DCC: variants seen among roughly 807,000 people sequenced by gnomAD.
The protein encoded by DCC is netrin receptor DCC.
Under a neutral mutation model 172.5 loss-of-function variants are expected in DCC, and 58 were observed. The ratio of observed to expected loss-of-function variants is 0.34; its 90% CI spans 0.27 to 0.42. DCC has a LOEUF of 0.42. Ranked by LOEUF, DCC falls within the 10% of genes least tolerant of loss-of-function variation. The probability of loss-of-function intolerance (pLI) is 1.00; values close to 1 mark genes in which losing one functional copy is unlikely to be tolerated. For synonymous variants in DCC, 709 were observed against 644.5 expected (o/e 1.10, Z -1.52); for missense variants, 1,740 against 1,791.0 (o/e 0.97, Z 0.51).
At chr18:52,586,331 T>C (rs2033672766) in intron 1 of DCC, among the ~76,000 whole-genome samples, 1 of 152,186 alleles carries the variant, frequency 6.6e-6, no homozygotes, top group South Asian at 2.1e-4. Flanking sequence ...AGGATGACAA[T>C]AGGCTTAAAT....
In DCC at chr18:53,531,966, C is replaced by T. The variant is rs1302850402; in HGVS notation, c.*1313C>T. 6.6e-6 allele frequency: 1 copy of T among 152,214 alleles called. No homozygotes were observed. Among genetic ancestry groups the T allele is most frequent in the Non-Finnish European group, 1.5e-5 (1 of 68,048 alleles). The allele number at this position is 152,214 out of a possible 1,614,324, so 9.4% of individuals were successfully genotyped here. On this transcript the variant is annotated 3_prime_UTR_variant, in exon 29 of 29. Coordinates refer to ENST00000442544, the MANE Select transcript of DCC (RefSeq NM_005215.4). ...CTTCTATTGCCATGTTTATCTACAGCTTGGAACTAGCTAAAATTAAGAACA... is the reference window on the plus strand; with the variant it reads ...CTTCTATTGCCATGTTTATCTACAGTTTGGAACTAGCTAAAATTAAGAACA...
At chr18:52,462,526 C>T (rs1988663351) in intron 1 of DCC, among the ~76,000 whole-genome samples, 1 of 152,230 alleles carries the variant, frequency 6.6e-6, no homozygotes, top group South Asian at 2.1e-4. Flanking sequence ...CCTCACAGTG[C>T]AATATGCAAC....
intron 1 of DCC, among the ~76,000 whole-genome samples, chr18:52,517,691 C>T (rs911364024): frequency 2.6e-5 from 4 of 152,150 alleles, no homozygotes; most frequent in African/African-American, 4.8e-5. Context: ...CTGGCATAAA[C>T]GGTCCCCAGA....
chr18:53,037,959 C>T (rs545412091), intron 5 of DCC, among the ~76,000 whole-genome samples: 3 of 151,742 alleles, frequency 2.0e-5, no homozygotes, highest in South Asian at 2.1e-4. Flanking sequence ...AATGAAAAAA[C>T]GTAAGAACAT....
intron 23 of DCC, among the ~76,000 whole-genome samples, chr18:53,457,468 G>T (rs952482802): frequency 6.6e-6 from 1 of 152,148 alleles, no homozygotes; most frequent in African/African-American, 2.4e-5. Flanking sequence ...TCCTGAATTT[G>T]GGAACTGGTA....
chr18:53,228,659 A>T (rs1343162220), intron 12 of DCC, among the ~76,000 whole-genome samples: 1 of 152,100 alleles, frequency 6.6e-6, no homozygotes, highest in East Asian at 1.9e-4. Flanking sequence ...GCATTTTCTG[A>T]CTATACTTAA....
intron 1 of DCC, among the ~76,000 whole-genome samples, chr18:52,408,477 A>G (rs1407577820): frequency 6.6e-6 from 1 of 152,054 alleles, no homozygotes. Flanking sequence ...ATAAGTTTTT[A>G]TCAGCCCCTG....
chr18:52,626,543 C>T (rs765004342), intron 1 of DCC, among the ~76,000 whole-genome samples: 4 of 151,982 alleles, frequency 2.6e-5, no homozygotes, highest in African/African-American at 7.3e-5. Flanking sequence ...TTTCTTAAAA[C>T]TTTTCAGTCT....
At chr18:52,991,646 T>G (rs1167985977) in intron 5 of DCC, among the ~76,000 whole-genome samples, 1 of 152,168 alleles carries the variant, frequency 6.6e-6, no homozygotes, top group African/African-American at 2.4e-5. Context: ...ATTCCCTCAT[T>G]TACCCTCTCG....
At chr18:52,740,005 G>A (rs754726636) in intron 1 of DCC, among the ~76,000 whole-genome samples, 6 of 152,056 alleles carry the variant, frequency 3.9e-5, no homozygotes, top group East Asian at 1.9e-4. Context: ...AACAACCAAC[G>A]CCTGCATGCA....
At chr18:52,634,221 A>C (rs1429381593) in intron 1 of DCC, among the ~76,000 whole-genome samples, 1 of 152,230 alleles carries the variant, frequency 6.6e-6, no homozygotes, top group Non-Finnish European at 1.5e-5. Context: ...CCCTGGGTCT[A>C]TCAGCAGTAA....
intron 2 of DCC, among the ~76,000 whole-genome samples, chr18:52,857,828 C>T (rs1010893001): frequency 1.3e-5 from 2 of 152,200 alleles, no homozygotes; most frequent in African/African-American, 4.8e-5. Flanking sequence ...AAAAGGATTA[C>T]AGCTCTAATG....
At chr18:53,241,960 T>G (rs2056301243) in intron 12 of DCC, among the ~76,000 whole-genome samples, 1 of 152,184 alleles carries the variant, frequency 6.6e-6, no homozygotes. Context: ...TGTCCCTGTT[T>G]GCAGATGACA....
intron 1 of DCC, among the ~76,000 whole-genome samples, chr18:52,604,097 C>G (rs1221873): frequency 0.25 from 38,162 of 151,826 alleles, 4,969 homozygotes; most frequent in African/African-American, 0.31. Context: ...GCTTGACAAT[C>G]CTTCTCACCC....
chr18:52,517,628 A>C (rs1460628840), intron 1 of DCC, among the ~76,000 whole-genome samples: 1 of 152,218 alleles, frequency 6.6e-6, no homozygotes, highest in African/African-American at 2.4e-5. Flanking sequence ...ACAGATGGAA[A>C]AGTGCATATG....
intron 2 of DCC, chr18:52,754,373 A>C (rs1161391619): frequency 6.6e-6 from 1 of 152,200 alleles, no homozygotes; most frequent in Non-Finnish European, 1.5e-5. Flanking sequence ...TTGAAATTCT[A>C]ACCCCCAATG....
At chr18:52,578,073 T>A (rs1255726476) in intron 1 of DCC, among the ~76,000 whole-genome samples, 3 of 152,214 alleles carry the variant, frequency 2.0e-5, no homozygotes, top group Non-Finnish European at 4.4e-5. Flanking sequence ...TTTATCTCCA[T>A]CTTCTAAAGC....
chr18:52,794,307 T>G (rs902726260), intron 2 of DCC, among the ~76,000 whole-genome samples: 1 of 152,122 alleles, frequency 6.6e-6, no homozygotes, highest in Non-Finnish European at 1.5e-5. Flanking sequence ...GTGATGTGTT[T>G]ACGTTTGCTT....
At chr18:53,133,085 C>T (rs1396461670) in intron 7 of DCC, among the ~76,000 whole-genome samples, 1 of 152,304 alleles carries the variant, frequency 6.6e-6, no homozygotes, top group East Asian at 1.9e-4. Context: ...ATCTAAATTT[C>T]TACATACTCT....
Sources: allele counts gnomAD v4.1 joint callset (sites outside exome capture counted in the v4.1 genomes callset), GRCh38; gene constraint gnomAD v4.1.1; transcripts MANE v1.5; gene names NCBI Gene and HGNC (gene_info 2026-07-23, HGNC 2026-07-21).